The following TRAPPC10 variants were observed in gnomAD, a reference collection of about 807,000 sequenced individuals.
TRAPPC10 encodes the protein TRAPP 130 kDa subunit.
A neutral mutation model predicts 125.5 loss-of-function variants in TRAPPC10; 23 were observed. The observed-to-expected ratio is 0.18, with a 90% CI of 0.13 to 0.26. The LOEUF is 0.26. TRAPPC10 is among the 10% of genes least tolerant of loss of function. TRAPPC10 has a pLI of 1.00. For synonymous variants in TRAPPC10, 509 were observed against 518.0 expected, an observed-to-expected ratio of 0.98 and a Z score of 0.24; for missense variants, 1,123 against 1,308.4, an observed-to-expected ratio of 0.86 and a Z score of 2.19.
At chr21:44,016,235 T>G (rs1405276195) in intron 1 of TRAPPC10, among the ~76,000 whole-genome samples, 1 of 152,246 alleles carries the variant, frequency 6.6e-6, no homozygotes, top group Non-Finnish European at 1.5e-5. Flanking sequence ...AGCGTAGATT[T>G]GTTTTTCAGC....
chr21:44,059,025 T>TAATG lies in TRAPPC10; in HGVS notation c.679-78_679-77insAATG. 5.1e-6 allele frequency: 6 copies of TAATG among 1,174,524 alleles called. No homozygotes were observed. Among genetic ancestry groups the TAATG allele is most frequent in the Non-Finnish European group, 6.0e-6 (5 of 831,128 alleles). 72.8% of individuals were successfully genotyped at this position (1,174,524 alleles called of 1,614,324 possible). A position where few individuals can be genotyped will look rare whatever the true frequency, so the allele number is the denominator to read the frequency against. On this transcript the variant is annotated intron_variant, in intron 5 of 22. Transcript: ENST00000291574. The surrounding 1 kb of genome is among the most constrained non-coding windows in gnomAD (Gnocchi z 4.4). ...TAGTGCTGCGTGCCTTTCTCTGTCG[T>TAATG]TTAATGGCTACATACTGTTTCTTCT...
At chr21:44,043,370 C>A (rs2034550930) in intron 3 of TRAPPC10, among the ~76,000 whole-genome samples, 1 of 151,820 alleles carries the variant, frequency 6.6e-6, no homozygotes, top group African/African-American at 2.4e-5. Context: ...CCCACCACCA[C>A]CCCTGGCTAA....
chr21:44,043,737 A>G (rs925662675), intron 3 of TRAPPC10, among the ~76,000 whole-genome samples: 5 of 152,192 alleles, frequency 3.3e-5, no homozygotes, highest in African/African-American at 1.2e-4. Flanking sequence ...TGACTGTGGC[A>G]GAAGCAACAC....
chr21:44,075,463 T>G (rs1398076766), intron 9 of TRAPPC10, among the ~76,000 whole-genome samples: 1 of 152,112 alleles, frequency 6.6e-6, no homozygotes, highest in Non-Finnish European at 1.5e-5. Context: ...AGATGATCTG[T>G]TTTTCTAACA....
Position 44,012,568 on chromosome 21 carries a change from C to T in TRAPPC10, c.67+8C>T, listed in dbSNP as rs369037945. The T allele has an allele frequency of 7.2e-6, 11 of 1,533,052 alleles. No individual in the cohort carries two copies. Among genetic ancestry groups the T allele is most frequent in the South Asian group, 1.2e-5 (1 of 83,278 alleles). 95.0% of individuals were successfully genotyped at this position (1,533,052 alleles called of 1,614,324 possible). On this transcript the variant is annotated splice_region_variant and intron_variant, in intron 1 of 22. Transcript: ENST00000291574. Reference sequence around the variant, plus strand: ...ACAAGCCCATCGTCACCTGTGAGTGCCCGGAGGCGGGGAGGGCGCGGCGGT... The same window carrying T: ...ACAAGCCCATCGTCACCTGTGAGTGTCCGGAGGCGGGGAGGGCGCGGCGGT...
intron 1 of TRAPPC10, among the ~76,000 whole-genome samples, chr21:44,030,190 A>G (rs1049007935): frequency 6.6e-6 from 1 of 152,200 alleles, no homozygotes; most frequent in African/African-American, 2.4e-5. Flanking sequence ...TGTTATTTGT[A>G]TACGTATGTG....
chr21:44,075,394 C>A (rs947668426), intron 9 of TRAPPC10, among the ~76,000 whole-genome samples: 1 of 152,154 alleles, frequency 6.6e-6, no homozygotes, highest in Non-Finnish European at 1.5e-5. Flanking sequence ...CTGAGTTTCT[C>A]CTGGGCTTAA....
At chr21:44,069,861 T>C (rs1475776529) in intron 7 of TRAPPC10, among the ~76,000 whole-genome samples, 1 of 152,060 alleles carries the variant, frequency 6.6e-6, no homozygotes, top group Non-Finnish European at 1.5e-5. Context: ...CAACCTGAAG[T>C]TGAGCTAAAG....
At chr21:44,045,966 T>G (rs774005371) in intron 3 of TRAPPC10, among the ~76,000 whole-genome samples, 9 of 152,104 alleles carry the variant, frequency 5.9e-5, no homozygotes, top group African/African-American at 1.4e-4. Flanking sequence ...TTTTTTTTCT[T>G]TTTTGTGGGG....
chr21:44,040,712 C>T (rs1046265780), intron 3 of TRAPPC10, among the ~76,000 whole-genome samples: 2 of 151,784 alleles, frequency 1.3e-5, no homozygotes, highest in African/African-American at 2.4e-5. Flanking sequence ...ACCTCCGCCC[C>T]TCTAGGCTGA....
chr21:44,080,919 A>T (rs2037661478), intron 13 of TRAPPC10, among the ~76,000 whole-genome samples: 1 of 150,220 alleles, frequency 6.7e-6, no homozygotes, highest in Admixed American at 6.6e-5. Flanking sequence ...AAACCATGTA[A>T]TTCACTCATT....
At chr21:44,027,865 C>T (rs1255248117) in intron 1 of TRAPPC10, among the ~76,000 whole-genome samples, 1 of 152,154 alleles carries the variant, frequency 6.6e-6, no homozygotes, top group African/African-American at 2.4e-5. Context: ...AGAGATCTCC[C>T]TTGCCCCTTC....
intron 3 of TRAPPC10, among the ~76,000 whole-genome samples, chr21:44,044,474 A>G (rs1295620248): frequency 1.3e-5 from 2 of 152,106 alleles, no homozygotes; most frequent in Non-Finnish European, 2.9e-5. Flanking sequence ...TTCAAGTAAT[A>G]TGAATTATAT....
At chr21:44,029,215 C>T (rs1601586591) in intron 1 of TRAPPC10, among the ~76,000 whole-genome samples, 2 of 152,336 alleles carry the variant, frequency 1.3e-5, no homozygotes, top group South Asian at 4.1e-4. Flanking sequence ...CTGCCTCAGC[C>T]TCCCAAGTAG....
At chr21:44,077,027 G>A (rs1030880949) in intron 10 of TRAPPC10, among the ~76,000 whole-genome samples, 17 of 152,158 alleles carry the variant, frequency 1.1e-4, no homozygotes, top group African/African-American at 2.7e-4. Context: ...AGTGTGGTGG[G>A]TCAGCGTCAT....
rs941398202 is a variant in TRAPPC10 at position 44,037,735 on chromosome 21, T to A, written c.150-57T>A. 24 of 1,570,258 alleles carry A rather than the reference T, an allele frequency of 1.5e-5. No individual in the cohort carries two copies. The African/African-American group carries it at 2.6e-4, about 17-fold the overall frequency. On this transcript the variant is annotated intron_variant, in intron 2 of 22. Transcript: ENST00000291574. ...ACATTATTTGTTGTTCTATTTCCCC[T>A]CTTCTGATGAATGCTGTTTAGTTGT...
chr21:44,020,757 G>A (rs758476766), intron 1 of TRAPPC10, among the ~76,000 whole-genome samples: 2 of 152,218 alleles, frequency 1.3e-5, no homozygotes, highest in Admixed American at 6.5e-5. Context: ...TGTGGGCACT[G>A]TCAGTTCACC....
At chr21:44,047,496 C>T (rs2034916825) in intron 3 of TRAPPC10, among the ~76,000 whole-genome samples, 1 of 150,858 alleles carries the variant, frequency 6.6e-6, no homozygotes, top group Non-Finnish European at 1.5e-5. Context: ...ATTGTTTCCT[C>T]AGATTGTTTT....
At chr21:44,012,856 C>G (rs1466365840) in intron 1 of TRAPPC10, among the ~76,000 whole-genome samples, 1 of 151,856 alleles carries the variant, frequency 6.6e-6, no homozygotes, top group Non-Finnish European at 1.5e-5. Context: ...GCGTCGAGGG[C>G]GAGGAGCGGG....
Sources: gnomAD v4.1 joint callset for allele counts (sites outside exome capture counted in the v4.1 genomes callset) on GRCh38, gnomAD v4.1.1 for gene constraint, Gnocchi (gnomAD v3.1) non-coding constraint, MANE v1.5 for transcripts, NCBI Gene and HGNC (gene_info 2026-07-23, HGNC 2026-07-21) for gene names.